MTA3: variants seen among roughly 807,000 people sequenced by gnomAD.
MTA3 encodes the protein metastasis-associated protein MTA3.
Under a neutral mutation model 83.5 loss-of-function variants are expected in MTA3, and 34 were observed. The ratio of observed to expected loss-of-function variants is 0.41; its 90% CI spans 0.31 to 0.54. The LOEUF (loss-of-function observed/expected upper bound fraction) is 0.54, where lower values mean the gene tolerates loss of function less well. Among genes scored for constraint, MTA3 ranks in the 20% least tolerant of loss-of-function variants. The pLI is 0.33. For synonymous variants in MTA3, 303 were observed against 252.7 expected (o/e 1.20, Z -1.89); for missense variants, 761 against 726.4 (o/e 1.05, Z -0.55).
intron 6 of MTA3, among the ~76,000 whole-genome samples, chr2:42,646,877 C>T (rs1005746043): frequency 2.0e-5 from 3 of 152,118 alleles, no homozygotes; most frequent in African/African-American, 7.2e-5. Context: ...AGTCTACTGG[C>T]TGAGCACGGT....
chr2:42,521,890 G>A (rs1346457986), intron 2 of MTA3, among the ~76,000 whole-genome samples: 4 of 151,770 alleles, frequency 2.6e-5, no homozygotes, highest in Admixed American at 2.6e-4. Context: ...GAGTAGCCGG[G>A]ATTACAGGCA....
At chr2:42,547,739 C>T (rs572096574) in intron 2 of MTA3, among the ~76,000 whole-genome samples, 2 of 152,348 alleles carry the variant, frequency 1.3e-5, no homozygotes, top group Admixed American at 1.3e-4. Context: ...TCAATCTTGT[C>T]TATTAAGCTA....
chr2:42,716,767 A>G (rs753830289), intron 14 of MTA3, among the ~76,000 whole-genome samples: 32 of 152,162 alleles, frequency 2.1e-4, no homozygotes, highest in Middle Eastern at 3.2e-3. Context: ...TGTCTTTACT[A>G]TTGTGAATAG....
At chr2:42,628,519 C>T (rs1686351151) in intron 4 of MTA3, among the ~76,000 whole-genome samples, 1 of 152,182 alleles carries the variant, frequency 6.6e-6, no homozygotes, top group Admixed American at 6.6e-5. Context: ...CAGGCGTGAG[C>T]CACCAACCCA....
chr2:42,588,139 C>T (rs1210324832), intron 3 of MTA3, among the ~76,000 whole-genome samples: 1 of 152,080 alleles, frequency 6.6e-6, no homozygotes. Context: ...CTTCCTCTCA[C>T]TCCAATTAGC....
chr2:42,638,219 G>T (rs1387592755), intron 4 of MTA3, among the ~76,000 whole-genome samples: 1 of 152,076 alleles, frequency 6.6e-6, no homozygotes, highest in Non-Finnish European at 1.5e-5. Flanking sequence ...AGGGGAAAAA[G>T]TAAGTGAAAA....
Position 42,532,811 on chromosome 2 carries a change from A to G in MTA3, c.-141+37557A>G, listed in dbSNP as rs6715023. ...GTTCCAGCAGCTCGGGCTCCTTCCC[A>G]TTGGTTCTCTCACAGTGTGCTTCTC... On this transcript the variant is annotated intron_variant, in intron 2 of 17. Coordinates refer to the MTA3 transcript ENST00000405592. 2.0e-3 allele frequency: 805 copies of G among 401,374 alleles called. 3 individuals carry two copies. Among genetic ancestry groups the G allele is most frequent in the African/African-American group, 0.016 (765 of 46,870 alleles). 24.9% of individuals were successfully genotyped at this position (401,374 alleles called of 1,614,324 possible).
chr2:42,619,152 G>T (rs1685251647), intron 4 of MTA3, among the ~76,000 whole-genome samples: 1 of 152,190 alleles, frequency 6.6e-6, no homozygotes, highest in Non-Finnish European at 1.5e-5. Context: ...AACAGTTAAA[G>T]GCTGGGAAAA....
At chr2:42,640,676 AT>A (rs1236201162) in intron 5 of MTA3, among the ~76,000 whole-genome samples, 1 of 152,162 alleles carries the variant, frequency 6.6e-6, no homozygotes, top group Non-Finnish European at 1.5e-5. Flanking sequence ...AGTTAAAAAT[AT>A]TTTTCACTAA....
At chr2:42,674,596 CTT>C (rs34154066) in intron 8 of MTA3, among the ~76,000 whole-genome samples, 65,050 of 112,876 alleles carry the variant, frequency 0.58, 16,818 homozygotes, top group South Asian at 0.66. Context: ...TTTTCTTCTT[CTT>C]TTTTTTTTTT....
In MTA3 at chr2:42,704,317, T is replaced by C. The variant is rs773350666; in HGVS notation, c.1149T>C (p.Tyr383=). ...TAGGGAGAGCCTGTGAGAGCTGCTA[T>C]GGTAAGTTTTCTCTAGCAGGTCAGT... ...PLLGRACESC[Y]ATQSHQWYSW... Residue 383 remains tyrosine, a splice_region_variant and synonymous_variant, in exon 12 of 17, where the codon TAT becomes TAC. Coordinates refer to ENST00000405094, the MANE Select transcript of MTA3 (RefSeq NM_001330442.2). 1 of 1,613,656 alleles carries C rather than the reference T, an allele frequency of 6.2e-7. No homozygotes were observed. Among genetic ancestry groups the C allele is most frequent in the Non-Finnish European group, 8.5e-7 (1 of 1,179,702 alleles).
At chr2:42,586,691 G>A (rs1433177132) in intron 3 of MTA3, among the ~76,000 whole-genome samples, 3 of 151,916 alleles carry the variant, frequency 2.0e-5, no homozygotes, top group Non-Finnish European at 4.4e-5. Flanking sequence ...TAGATCACTT[G>A]AGGCCAGGAC....
chr2:42,749,507 A>T (rs776483692), intron 16 of MTA3, among the ~76,000 whole-genome samples: 3 of 152,092 alleles, frequency 2.0e-5, no homozygotes, highest in Non-Finnish European at 2.9e-5. Context: ...TTGCTCTGTC[A>T]CCCGTGCTGG....
At chr2:42,506,553 C>T (rs1338912098) in intron 2 of MTA3, among the ~76,000 whole-genome samples, 1 of 152,022 alleles carries the variant, frequency 6.6e-6, no homozygotes, top group Non-Finnish European at 1.5e-5. Flanking sequence ...TCCTTAATTC[C>T]TTCAGATTGG....
intron 8 of MTA3, among the ~76,000 whole-genome samples, chr2:42,677,332 A>G (rs762519524): frequency 6.6e-6 from 1 of 151,592 alleles, no homozygotes; most frequent in Non-Finnish European, 1.5e-5. Context: ...ATGAGATCTG[A>G]TTTATTTTTT....
intron 3 of MTA3, among the ~76,000 whole-genome samples, chr2:42,581,206 A>G (rs1244833823): frequency 2.0e-5 from 3 of 152,162 alleles, no homozygotes; most frequent in African/African-American, 7.2e-5. Context: ...TACAAATTAT[A>G]TATTCAGCAT....
chr2:42,520,868 G>T (rs1558411077), intron 2 of MTA3, among the ~76,000 whole-genome samples: 1 of 152,082 alleles, frequency 6.6e-6, no homozygotes, highest in East Asian at 1.9e-4. Context: ...GCCCAGCCTG[G>T]TTCCTCTTCC....
At position 42,753,679 on chromosome 2, in the gene MTA3, C is replaced by A; in HGVS notation, c.*280C>A. 1 of 1,284,038 alleles carries A rather than the reference C, an allele frequency of 7.8e-7. No homozygotes were observed. Among genetic ancestry groups the A allele is most frequent in the South Asian group, 1.7e-5 (1 of 59,482 alleles). The allele number at this position is 1,284,038 out of a possible 1,614,324, so 79.5% of individuals were successfully genotyped here. Reference sequence around the variant, plus strand: ...GAATTGAGGGGCTGAGGGAACCCCTCCACCTCCTCCCTTCTGCAGCGCCCT... The same window carrying A: ...GAATTGAGGGGCTGAGGGAACCCCTACACCTCCTCCCTTCTGCAGCGCCCT... On this transcript the variant is annotated 3_prime_UTR_variant, in exon 17 of 17. Transcript: ENST00000405094.
intron 3 of MTA3, among the ~76,000 whole-genome samples, chr2:42,600,523 C>T (rs977051327): frequency 1.3e-5 from 2 of 148,236 alleles, no homozygotes; most frequent in African/African-American, 2.5e-5. Context: ...TTTGCATCCC[C>T]TTTCCCATTC....
Sources: gnomAD v4.1 joint callset for allele counts (sites outside exome capture counted in the v4.1 genomes callset) on GRCh38, gnomAD v4.1.1 for gene constraint, MANE v1.5 for transcripts, NCBI Gene and HGNC (gene_info 2026-07-23, HGNC 2026-07-21) for gene names.